Variants in SGCD observed in about 807,000 individuals in gnomAD.
SGCD encodes sarcoglycan delta.
SGCD carries 18 observed loss-of-function variants against 36.6 expected under a neutral mutation model. The ratio of observed to expected loss-of-function variants is 0.49; its 90% CI spans 0.34 to 0.73. The LOEUF is 0.73. Ranked by LOEUF, SGCD falls within the 30% of genes least tolerant of loss-of-function variation. The pLI, the probability that SGCD is intolerant of heterozygous loss-of-function variation, is 0.01. For synonymous variants in SGCD, 133 were observed against 130.6 expected (o/e 1.02, Z -0.12); for missense variants, 387 against 346.7 (o/e 1.12, Z -0.92).
At chr5:155,895,367 C>T (rs561996177) in intron 1 of SGCD, among the ~76,000 whole-genome samples, 15 of 152,290 alleles carry the variant, frequency 9.8e-5, no homozygotes, top group African/African-American at 3.1e-4. Flanking sequence ...TTCTTTCATT[C>T]TCAAATGTGA....
intron 3 of SGCD, among the ~76,000 whole-genome samples, chr5:156,353,865 T>C (rs1580862578): frequency 6.6e-6 from 1 of 152,326 alleles, no homozygotes; most frequent in Non-Finnish European, 1.5e-5. Context: ...TCCTATTTGG[T>C]TTGAAACTTC....
intron 5 of SGCD, among the ~76,000 whole-genome samples, chr5:156,593,481 C>T (rs1402317725): frequency 6.6e-6 from 1 of 152,166 alleles, no homozygotes. Flanking sequence ...AAACATCCCC[C>T]TATCCTGGCT....
chr5:156,168,390 G>A (rs1763262364), intron 3 of SGCD, among the ~76,000 whole-genome samples: 2 of 151,150 alleles, frequency 1.3e-5, no homozygotes, highest in South Asian at 2.1e-4. Context: ...AAAAAAATGG[G>A]CAACATAGAG....
chr5:155,992,413 T>A (rs916090872), intron 1 of SGCD, among the ~76,000 whole-genome samples: 1 of 152,062 alleles, frequency 6.6e-6, no homozygotes. Context: ...TAAGGAAAAA[T>A]TTCATGAGAA....
At chr5:155,994,102 T>C (rs2127565627) in intron 1 of SGCD, among the ~76,000 whole-genome samples, 1 of 152,312 alleles carries the variant, frequency 6.6e-6, no homozygotes, top group Admixed American at 6.5e-5. Flanking sequence ...CTAGACAGAA[T>C]ACAGCAGAAA....
At chr5:155,951,901 A>G (rs996447421) in intron 1 of SGCD, among the ~76,000 whole-genome samples, 4 of 152,156 alleles carry the variant, frequency 2.6e-5, no homozygotes, top group African/African-American at 9.7e-5. Context: ...TAATGTACTA[A>G]TGAACCCATA....
At chr5:156,739,855 C>T (rs182877562) in intron 7 of SGCD, 32 of 152,318 alleles carry the variant, frequency 2.1e-4, no homozygotes, top group Admixed American at 7.8e-4. Context: ...TCCCTTGCCT[C>T]CTGCCACAAA....
At chr5:156,364,583 T>G (rs1478323928) in intron 3 of SGCD, among the ~76,000 whole-genome samples, 1 of 152,164 alleles carries the variant, frequency 6.6e-6, no homozygotes, top group African/African-American at 2.4e-5. Context: ...CAAGGAATCT[T>G]TAATGGTTCA....
At chr5:156,452,267 A>C (rs1362090948) in intron 3 of SGCD, among the ~76,000 whole-genome samples, 1 of 152,114 alleles carries the variant, frequency 6.6e-6, no homozygotes, top group Non-Finnish European at 1.5e-5. Context: ...TGGACCTTGT[A>C]GTTTTTCAAA....
At chr5:156,132,676 G>A (rs987639605) in intron 3 of SGCD, among the ~76,000 whole-genome samples, 1 of 151,252 alleles carries the variant, frequency 6.6e-6, no homozygotes, top group African/African-American at 2.4e-5. Context: ...CACCGTGTTA[G>A]CCAGGATGGT....
intron 1 of SGCD, among the ~76,000 whole-genome samples, chr5:156,071,300 G>C (rs4704965): frequency 0.14 from 21,735 of 152,092 alleles, 1,795 homozygotes; most frequent in Non-Finnish European, 0.19. Context: ...ACACTGCTTT[G>C]AATGTGTCCC....
At chr5:156,274,624 A>G (rs1766269428) in intron 3 of SGCD, among the ~76,000 whole-genome samples, 1 of 152,180 alleles carries the variant, frequency 6.6e-6, no homozygotes, top group Non-Finnish European at 1.5e-5. Flanking sequence ...ACAAATGACT[A>G]AACTCTTAGT....
At chr5:155,770,468 T>G in the SGCD span, among the ~76,000 whole-genome samples, 2 of 152,064 alleles carry the variant, frequency 1.3e-5, no homozygotes, top group African/African-American at 4.8e-5. Flanking sequence ...GTATAAAGGA[T>G]CTGAAAGAGG....
the SGCD span, among the ~76,000 whole-genome samples, chr5:155,836,899 G>A: frequency 6.6e-6 from 1 of 152,138 alleles, no homozygotes; most frequent in East Asian, 1.9e-4. Flanking sequence ...GGGCAGTGGA[G>A]TAGCCAAGTT....
chr5:156,591,397 T>A (rs73299128), intron 5 of SGCD, among the ~76,000 whole-genome samples: 4,622 of 152,304 alleles, frequency 0.03, 238 homozygotes, highest in African/African-American at 0.11. Flanking sequence ...CACGAATGCC[T>A]ATTTGACCAT....
chr5:155,851,453 C>T, the SGCD span, among the ~76,000 whole-genome samples: 11 of 152,192 alleles, frequency 7.2e-5, no homozygotes, highest in African/African-American at 1.2e-4. Flanking sequence ...AGCAACTCAT[C>T]GTCAGAGGAG....
the SGCD span, among the ~76,000 whole-genome samples, chr5:155,751,900 T>C: frequency 2.0e-5 from 3 of 152,158 alleles, no homozygotes; most frequent in African/African-American, 4.8e-5. Context: ...AAGTCAAACC[T>C]ATGGCCCACT....
chr5:155,818,945 T>G, the SGCD span, among the ~76,000 whole-genome samples: 1 of 152,240 alleles, frequency 6.6e-6, no homozygotes, highest in South Asian at 2.1e-4. Context: ...CTTACACATT[T>G]TTTTTCAAGA....
At chr5:155,789,581 A>G in the SGCD span, among the ~76,000 whole-genome samples, 2 of 152,158 alleles carry the variant, frequency 1.3e-5, no homozygotes, top group African/African-American at 2.4e-5. Flanking sequence ...AATTTTATGC[A>G]AATGAAAGCT....
Sources: allele counts gnomAD v4.1 joint callset (sites outside exome capture counted in the v4.1 genomes callset), GRCh38; gene constraint gnomAD v4.1.1; transcripts MANE v1.5; gene names NCBI Gene and HGNC (gene_info 2026-07-23, HGNC 2026-07-21).